Variants in PXDNL observed in about 807,000 individuals in gnomAD.
PXDNL encodes peroxidasin like, also known as probable oxidoreductase PXDNL.
Under a neutral mutation model 150.8 loss-of-function variants are expected in PXDNL, and 145 were observed. The ratio of observed to expected loss-of-function variants is 0.96; its 90% CI spans 0.84 to 1.10. The LOEUF (loss-of-function observed/expected upper bound fraction) is 1.10, where lower values mean the gene tolerates loss of function less well. PXDNL is among the 50% of genes least tolerant of loss of function. PXDNL has a pLI of 0.00. For synonymous variants in PXDNL, 757 were observed against 725.7 expected (o/e 1.04, Z -0.69); for missense variants, 2,087 against 1,873.9 (o/e 1.11, Z -2.10).
chr8:51,662,627 C>T (rs1815300590), intron 1 of PXDNL, among the ~76,000 whole-genome samples: 1 of 152,116 alleles, frequency 6.6e-6, no homozygotes, highest in Non-Finnish European at 1.5e-5. Flanking sequence ...TATAAGCAAT[C>T]TAGAGATTAT....
intron 12 of PXDNL, among the ~76,000 whole-genome samples, chr8:51,443,676 A>G (rs1211136650): frequency 6.6e-6 from 1 of 152,212 alleles, no homozygotes; most frequent in African/African-American, 2.4e-5. Context: ...AAAAGTAGTG[A>G]GTAGAGTAGC....
chr8:51,515,424 C>T (rs751851231), intron 4 of PXDNL, among the ~76,000 whole-genome samples: 1 of 152,168 alleles, frequency 6.6e-6, no homozygotes, highest in Non-Finnish European at 1.5e-5. Context: ...GACTTGGAAA[C>T]AAAGTGCCCG....
At chr8:51,646,245 G>A (rs991851576) in intron 2 of PXDNL, among the ~76,000 whole-genome samples, 1 of 152,168 alleles carries the variant, frequency 6.6e-6, no homozygotes, top group African/African-American at 2.4e-5. Context: ...GAAAAGGCCA[G>A]TGAGGATGCA....
intron 2 of PXDNL, among the ~76,000 whole-genome samples, chr8:51,606,027 A>G (rs915074957): frequency 1.3e-5 from 2 of 152,220 alleles, no homozygotes; most frequent in Non-Finnish European, 2.9e-5. Flanking sequence ...TATTTTATTC[A>G]TATATTATCT....
intron 2 of PXDNL, among the ~76,000 whole-genome samples, chr8:51,601,784 G>C (rs148154576): frequency 0.012 from 1,723 of 149,434 alleles, 15 homozygotes; most frequent in South Asian, 0.026. Context: ...CTTTGTAGTA[G>C]TTTCTATTGT....
intron 2 of PXDNL, among the ~76,000 whole-genome samples, chr8:51,654,160 C>G (rs1159300407): frequency 5.3e-5 from 8 of 152,168 alleles, no homozygotes; most frequent in Non-Finnish European, 1.2e-4. Flanking sequence ...AAATAAATGC[C>G]TTTAAACTTG....
chr8:51,394,089 T>C lies in PXDNL; in HGVS notation c.3557+13978A>G, dbSNP rs560574206. On this transcript the variant is annotated intron_variant, in intron 17 of 22. Transcript: ENST00000356297. ...GGAAAGTTAACACCAGCTCATGAGATAACAAAAGTGTTAATGAAAAGTGTG... is the reference window on the plus strand; with the variant it reads ...GGAAAGTTAACACCAGCTCATGAGACAACAAAAGTGTTAATGAAAAGTGTG... 3.1e-3 allele frequency among the ~76,000 whole-genome samples: 477 copies of C among 152,328 alleles called. 6 individuals are homozygous for C. The highest frequency in any genetic ancestry group is 0.022 in the South Asian group (104 of 4,826).
chr8:51,358,647 G>T (rs187627745), intron 19 of PXDNL, among the ~76,000 whole-genome samples: 33 of 152,266 alleles, frequency 2.2e-4, no homozygotes, highest in Admixed American at 6.5e-4. Context: ...CCCAGCATGA[G>T]GTCCTCATCA....
At chr8:51,696,667 G>C (rs375615322) in intron 1 of PXDNL, among the ~76,000 whole-genome samples, 1 of 26,922 alleles carries the variant, frequency 3.7e-5, no homozygotes, top group Non-Finnish European at 9.0e-5. Flanking sequence ...CCACACACAG[G>C]TCCACACACA....
intron 4 of PXDNL, among the ~76,000 whole-genome samples, chr8:51,555,957 C>T (rs901634402): frequency 7.2e-5 from 11 of 151,992 alleles, no homozygotes; most frequent in South Asian, 2.1e-4. Flanking sequence ...ACTAAGATAG[C>T]GGTCAGTTTG....
Position 51,320,808 on chromosome 8 carries a change from T to G in PXDNL, c.4236A>C (p.Glu1412Asp). The change falls in exon 22 of 23, where the codon GAA (glutamate) becomes GAC (aspartate). Residue 1412 changes from glutamate to aspartate, a missense_variant. By Grantham distance (45) the Glu-to-Asp change is conservative. Coordinates refer to ENST00000356297, the MANE Select transcript of PXDNL (RefSeq NM_144651.5). The part of the protein sequence containing the change: ...PRKAEERWMK[E>D]DCTHCICESG... ...CCTCACAAATGCAGTGAGTGCAGTCTTCTTTCATCCAGCGCTCCTCGGCCT... is the reference window on the plus strand; with the variant it reads ...CCTCACAAATGCAGTGAGTGCAGTCGTCTTTCATCCAGCGCTCCTCGGCCT... 1 of 1,613,926 alleles carries G rather than the reference T, an allele frequency of 6.2e-7. No homozygotes were observed. The highest frequency in any genetic ancestry group is 8.5e-7 in the Non-Finnish European group (1 of 1,179,806).
chr8:51,638,808 A>C (rs375483962), intron 2 of PXDNL, among the ~76,000 whole-genome samples: 12 of 152,158 alleles, frequency 7.9e-5, no homozygotes, highest in South Asian at 6.2e-4. Context: ...AGAAAGTTAA[A>C]AAGGATATCC....
chr8:51,644,337 TACACACACACACACACACACAC>T (rs371179403), intron 2 of PXDNL, among the ~76,000 whole-genome samples: 6 of 50,178 alleles, frequency 1.2e-4, no homozygotes, highest in Non-Finnish European at 2.1e-4. Flanking sequence ...TATATATATA[TACACACACACACACACACACAC>T]ACACATATGT....
At chr8:51,604,678 C>T (rs1813802517) in intron 2 of PXDNL, among the ~76,000 whole-genome samples, 1 of 152,134 alleles carries the variant, frequency 6.6e-6, no homozygotes, top group African/African-American at 2.4e-5. Flanking sequence ...TAAACATTTG[C>T]CCATAAATTT....
chr8:51,482,015 G>T (rs568539538), intron 6 of PXDNL, among the ~76,000 whole-genome samples: 1 of 152,188 alleles, frequency 6.6e-6, no homozygotes, highest in Non-Finnish European at 1.5e-5. Context: ...GTGAGAAGAA[G>T]GCCAACGTCC....
chr8:51,394,016 G>C (rs1249572403), intron 17 of PXDNL, among the ~76,000 whole-genome samples: 2 of 152,196 alleles, frequency 1.3e-5, no homozygotes, highest in African/African-American at 2.4e-5. Flanking sequence ...GAATCATATA[G>C]ATTCAGATTA....
intron 8 of PXDNL, among the ~76,000 whole-genome samples, chr8:51,468,390 G>C (rs989645120): frequency 2.0e-5 from 3 of 151,826 alleles, no homozygotes; most frequent in Non-Finnish European, 4.4e-5. Flanking sequence ...CTAATGATTT[G>C]TGATTACACT....
intron 12 of PXDNL, chr8:51,436,198 C>CA: frequency 1.9e-6 from 1 of 522,032 alleles, no homozygotes; most frequent in East Asian, 5.4e-5. Flanking sequence ...TCCCAAAAGC[C>CA]AACCATTCGT....
At chr8:51,535,902 C>G (rs1230574900) in intron 4 of PXDNL, among the ~76,000 whole-genome samples, 1 of 152,184 alleles carries the variant, frequency 6.6e-6, no homozygotes, top group Non-Finnish European at 1.5e-5. Flanking sequence ...TCTTGCCCCC[C>G]TCCCTGCATT....
Sources: allele counts gnomAD v4.1 joint callset (sites outside exome capture counted in the v4.1 genomes callset), GRCh38; gene constraint gnomAD v4.1.1; transcripts MANE v1.5; gene names NCBI Gene and HGNC (gene_info 2026-07-23, HGNC 2026-07-21).